UBXN8: variants seen among roughly 807,000 people sequenced by gnomAD.
UBXN8 encodes the protein UBX domain-containing protein 8.
A neutral mutation model predicts 32.1 loss-of-function variants in UBXN8; 27 were observed. That is an observed-to-expected ratio of 0.84 (90% confidence interval 0.62 to 1.16). The LOEUF is 1.16. Ranked by LOEUF, UBXN8 falls within the 50% of genes most tolerant of loss-of-function variation. The probability of loss-of-function intolerance (pLI) is 0.00; values close to 1 mark genes in which losing one functional copy is unlikely to be tolerated. For missense variants in UBXN8, 306 were observed against 311.4 expected, an observed-to-expected ratio of 0.98 and a Z score of 0.13; for synonymous variants, 109 against 111.8, an observed-to-expected ratio of 0.98 and a Z score of 0.16.
At position 30,766,381 on chromosome 8, in the gene UBXN8, A is replaced by G; in HGVS notation, c.800A>G (p.Glu267Gly). The G allele has an allele frequency of 6.2e-7, 1 of 1,604,214 alleles. No individual in the cohort carries two copies. Among genetic ancestry groups the G allele is most frequent in the South Asian group, 1.1e-5 (1 of 89,944 alleles). ...ACTGTACTCATCCTGGAGGAGAAGG[A>G]GCAGACCAACTAGGAAAGAAGGGAG... is the stretch of plus-strand genomic sequence containing the variant. Reference protein sequence around the residue: ...VDTVLILEEKEQTN With the variant: ...VDTVLILEEKGQTN The change falls in exon 8 of 8, where the codon GAG becomes GGG. Residue 267 changes from glutamate (E) to glycine (G), a missense_variant. Glu to Gly is a moderately conservative substitution (Grantham distance 98). Coordinates refer to ENST00000265616, the MANE Select transcript of UBXN8 (RefSeq NM_005671.4).
At chr8:30,758,361 C>A (rs185560928) in intron 5 of UBXN8, among the ~76,000 whole-genome samples, 6 of 152,304 alleles carry the variant, frequency 3.9e-5, no homozygotes, top group African/African-American at 1.4e-4. Flanking sequence ...ACTGGCCCTT[C>A]TAGGGAATAG....
chr8:30,758,399 GC>G (rs1805720184), intron 5 of UBXN8, among the ~76,000 whole-genome samples: 1 of 152,118 alleles, frequency 6.6e-6, no homozygotes, highest in Non-Finnish European at 1.5e-5. Flanking sequence ...TTGGATTAGT[GC>G]CCAGGTTTAT....
At chr8:30,755,784 AGACT>A (rs1249167565) in intron 4 of UBXN8, among the ~76,000 whole-genome samples, 4 of 150,552 alleles carry the variant, frequency 2.7e-5, no homozygotes, top group Non-Finnish European at 5.9e-5. Context: ...AAAAAAAAGA[AGACT>A]GACTGTGACA....
At chr8:30,737,874 A>C (rs2128751977) in intron 1 of UBXN8, among the ~76,000 whole-genome samples, 1 of 152,346 alleles carries the variant, frequency 6.6e-6, no homozygotes, top group African/African-American at 2.4e-5. Context: ...ACACACACGT[A>C]GCCATCTTAT....
intron 1 of UBXN8, among the ~76,000 whole-genome samples, chr8:30,735,248 C>T (rs1805045385): frequency 1.3e-5 from 2 of 152,198 alleles, no homozygotes; most frequent in South Asian, 4.1e-4. Context: ...AAAAATTAAA[C>T]AGCTGGTGAA....
At chr8:30,735,771 A>G (rs1805056765) in intron 1 of UBXN8, among the ~76,000 whole-genome samples, 1 of 152,178 alleles carries the variant, frequency 6.6e-6, no homozygotes, top group African/African-American at 2.4e-5. Flanking sequence ...CCTGGGAGGC[A>G]GAAGTTGCAG....
At position 30,755,760 on chromosome 8, in the gene UBXN8, GAAAAAA is replaced by G. The variant is rs34287599; in HGVS notation, c.405+989_406-984del. Among the ~76,000 whole-genome samples, 25 of 88,940 alleles carry G rather than the reference GAAAAAA, an allele frequency of 2.8e-4. No homozygotes were observed. In the East Asian group the frequency reaches 5.8e-3, roughly 21 times the overall value. 58.3% of individuals were successfully genotyped at this position (88,940 alleles called of 152,430 possible). On this transcript the variant is annotated intron_variant, in intron 4 of 7. Transcript: ENST00000265616. Reference sequence around the variant, plus strand: ...GAGACAGAGCAAGACCCTTTCTCCAGAAAAAAAAAAAAAAAAAAAAAGAAGACTGAC... The same window carrying G: ...GAGACAGAGCAAGACCCTTTCTCCAGAAAAAAAAAAAAAAAGAAGACTGAC...
At chr8:30,752,628 G>A (rs1046880159) in intron 2 of UBXN8, among the ~76,000 whole-genome samples, 1 of 152,082 alleles carries the variant, frequency 6.6e-6, no homozygotes, top group East Asian at 1.9e-4. Context: ...TTTTTGATAA[G>A]CAAAAGTTTG....
chr8:30,750,865 TTGTC>T (rs1219371003), intron 1 of UBXN8, among the ~76,000 whole-genome samples: 5 of 152,106 alleles, frequency 3.3e-5, no homozygotes, highest in South Asian at 2.1e-4. Flanking sequence ...AAATGGATGT[TTGTC>T]TGTCTGTCCC....
Position 30,747,889 on chromosome 8 carries a change from T to A in UBXN8, c.89-3507T>A, listed in dbSNP as rs1456102439. Among the ~76,000 whole-genome samples, 28 of 120,086 alleles carry A rather than the reference T, an allele frequency of 2.3e-4. 1 individual carries two copies. The highest frequency in any genetic ancestry group is 2.0e-3 in the Admixed American group (22 of 11,074). 78.8% of individuals were successfully genotyped at this position (120,086 alleles called of 152,430 possible). ...CAAGTTTTCTTTTTTTAATATATAT[T>A]TTTTCTTTTTTTTTTTTTTTTTTTT... On this transcript the variant is annotated intron_variant, in intron 1 of 7. Coordinates refer to ENST00000265616, the MANE Select transcript of UBXN8 (RefSeq NM_005671.4).
intron 6 of UBXN8, among the ~76,000 whole-genome samples, chr8:30,761,522 C>T (rs1442907071): frequency 6.6e-5 from 10 of 152,106 alleles, no homozygotes; most frequent in Non-Finnish European, 4.4e-5. Context: ...TGGGATTACA[C>T]CCACCCACTG....
intron 5 of UBXN8, among the ~76,000 whole-genome samples, chr8:30,759,066 TG>T (rs922550034): frequency 4.6e-5 from 7 of 151,192 alleles, no homozygotes; most frequent in Non-Finnish European, 1.0e-4. Flanking sequence ...GCTAATTTTT[TG>T]TATTTTTAGT....
upstream of UBXN8, chr8:30,744,123 A>C (rs1805286843): frequency 7.3e-6 from 11 of 1,501,964 alleles, no homozygotes; most frequent in Middle Eastern, 1.7e-4. Flanking sequence ...GAAGAGTTCC[A>C]CTTCCTTCCC....
chr8:30,751,629 AG>A, intron 2 of UBXN8, 111 bp downstream of exon 2: 1 of 891,914 alleles, frequency 1.1e-6, no homozygotes, highest in Non-Finnish European at 1.6e-6. Context: ...GTGTAGTTTC[AG>A]GGAGAGTAAT....
chr8:30,744,126 T>C, upstream of UBXN8: 6 of 1,525,198 alleles, frequency 3.9e-6, no homozygotes, highest in Non-Finnish European at 5.4e-6. Flanking sequence ...GAGTTCCACT[T>C]CCTTCCCGGA....
At chr8:30,733,027 C>A (rs1446108357) in exon 1 of UBXN8, 1 of 152,324 alleles carries the variant, frequency 6.6e-6, no homozygotes, top group Non-Finnish European at 1.5e-5. Context: ...AACCCCGCTA[C>A]CTTGTTCCCA....
upstream of UBXN8, among the ~76,000 whole-genome samples, chr8:30,743,835 C>T (rs1249336282): frequency 6.6e-6 from 1 of 152,200 alleles, no homozygotes; most frequent in Non-Finnish European, 1.5e-5. Context: ...CTCACAGCAT[C>T]AGCTTTTTCT....
chr8:30,738,144 A>T (rs1166500817), intron 1 of UBXN8, among the ~76,000 whole-genome samples: 3 of 151,866 alleles, frequency 2.0e-5, no homozygotes, highest in Non-Finnish European at 4.4e-5. Context: ...AGAAAAGCAA[A>T]GGTTTCTTAG....
intron 1 of UBXN8, among the ~76,000 whole-genome samples, chr8:30,745,952 T>TCTGTTGTTGCCTGGACTA (rs1228142140): frequency 7.9e-5 from 12 of 152,208 alleles, no homozygotes; most frequent in African/African-American, 2.9e-4. Context: ...GGTTTTGCCA[T>TCTGTTGTTGCCTGGACTA]GTTGCCCAGG....
Sources: gnomAD v4.1 joint callset for allele counts (sites outside exome capture counted in the v4.1 genomes callset) on GRCh38, gnomAD v4.1.1 for gene constraint, MANE v1.5 for transcripts, NCBI Gene and HGNC (gene_info 2026-07-23, HGNC 2026-07-21) for gene names.